Variants in GULP1 observed in about 807,000 individuals in gnomAD.
GULP1 encodes the protein GULP PTB domain containing engulfment adaptor 1.
Under a neutral mutation model 40.9 loss-of-function variants are expected in GULP1, and 19 were observed. The observed-to-expected ratio is 0.46, with a 90% confidence interval of 0.32 to 0.68. GULP1 has a LOEUF of 0.68. GULP1 is among the 30% of genes least tolerant of loss of function. The probability of loss-of-function intolerance (pLI) is 0.03; values close to 1 mark genes in which losing one functional copy is unlikely to be tolerated. For synonymous variants in GULP1, 119 were observed against 117.6 expected (o/e 1.01, Z -0.08); for missense variants, 312 against 362.2 (o/e 0.86, Z 1.12).
intron 1 of GULP1, among the ~76,000 whole-genome samples, chr2:188,313,563 G>T (rs1047975701): frequency 2.0e-5 from 3 of 152,106 alleles, no homozygotes; most frequent in African/African-American, 7.2e-5. Flanking sequence ...CTTCAGCTGT[G>T]CTCCTTTTGC....
intron 7 of GULP1, among the ~76,000 whole-genome samples, chr2:188,551,779 T>C (rs1311479411): frequency 6.6e-6 from 1 of 151,878 alleles, no homozygotes; most frequent in Non-Finnish European, 1.5e-5. Context: ...TTTAGTAGTT[T>C]ACATTTCCAC....
chr2:188,303,786 A>G (rs1050634077), intron 1 of GULP1, among the ~76,000 whole-genome samples: 3 of 152,200 alleles, frequency 2.0e-5, no homozygotes, highest in South Asian at 2.1e-4. Context: ...GTTTTTTTGC[A>G]TAAGAATGCA....
At chr2:188,294,589 A>C (rs2034511174) in intron 1 of GULP1, among the ~76,000 whole-genome samples, 1 of 152,008 alleles carries the variant, frequency 6.6e-6, no homozygotes, top group African/African-American at 2.4e-5. Context: ...TTAAATGGTT[A>C]AAACAAACAA....
chr2:188,481,394 T>C (rs2061436612), intron 3 of GULP1, among the ~76,000 whole-genome samples: 1 of 151,926 alleles, frequency 6.6e-6, no homozygotes, highest in African/African-American at 2.4e-5. Context: ...ATTTTGGAAA[T>C]CCTTCAGGTT....
intron 2 of GULP1, among the ~76,000 whole-genome samples, chr2:188,465,291 T>C (rs1433784904): frequency 6.6e-6 from 1 of 152,050 alleles, no homozygotes; most frequent in Non-Finnish European, 1.5e-5. Flanking sequence ...ACATGGTGTT[T>C]CTAGAAATGT....
chr2:188,294,457 G>A (rs2105858590), intron 1 of GULP1: 1 of 151,982 alleles, frequency 6.6e-6, no homozygotes, highest in East Asian at 1.9e-4. Context: ...AACCAGCTAG[G>A]AACTCAAAGC....
At chr2:188,432,515 G>A (rs566093969) in intron 2 of GULP1, among the ~76,000 whole-genome samples, 32 of 151,662 alleles carry the variant, frequency 2.1e-4, no homozygotes, top group Non-Finnish European at 4.3e-4. Context: ...TCATTAAACC[G>A]ACAACACTGA....
At chr2:188,582,610 T>G (rs777734360) in intron 9 of GULP1, 14 of 436,316 alleles carry the variant, frequency 3.2e-5, no homozygotes, top group Non-Finnish European at 5.7e-5. Context: ...CCCACTTATT[T>G]TGCTTAAATT....
At chr2:188,494,483 G>T (rs964371202) in intron 4 of GULP1, among the ~76,000 whole-genome samples, 1 of 151,810 alleles carries the variant, frequency 6.6e-6, no homozygotes, top group Non-Finnish European at 1.5e-5. Context: ...ATAACAATTG[G>T]TAAATGCTGA....
At chr2:188,495,418 G>A (rs1305849985) in intron 4 of GULP1, among the ~76,000 whole-genome samples, 1 of 152,066 alleles carries the variant, frequency 6.6e-6, no homozygotes, top group Non-Finnish European at 1.5e-5. Flanking sequence ...GTCCTCCACT[G>A]CGTTGTCAAG....
At chr2:188,438,152 T>C (rs890449564) in intron 2 of GULP1, among the ~76,000 whole-genome samples, 4 of 152,094 alleles carry the variant, frequency 2.6e-5, no homozygotes, top group Non-Finnish European at 5.9e-5. Flanking sequence ...ACTTCTATTG[T>C]GGTTTGAGAA....
intron 2 of GULP1, among the ~76,000 whole-genome samples, chr2:188,475,066 A>G (rs1463127846): frequency 1.3e-5 from 2 of 152,192 alleles, no homozygotes; most frequent in Non-Finnish European, 1.5e-5. Flanking sequence ...TTGAATGCCA[A>G]CCTAGTGTCA....
chr2:188,340,789 C>A (rs1159997908), intron 1 of GULP1, among the ~76,000 whole-genome samples: 2 of 151,926 alleles, frequency 1.3e-5, no homozygotes, highest in African/African-American at 4.8e-5. Context: ...ACTTTATTGC[C>A]CATGGAGGTG....
intron 1 of GULP1, among the ~76,000 whole-genome samples, chr2:188,305,194 A>G (rs1007352518): frequency 2.0e-5 from 3 of 152,190 alleles, no homozygotes; most frequent in African/African-American, 7.2e-5. Context: ...ATTATAAAGG[A>G]TAATAGAAAG....
intron 8 of GULP1, 57 bp downstream of exon 8, chr2:188,569,412 G>C: frequency 1.1e-6 from 1 of 905,682 alleles, no homozygotes; most frequent in Non-Finnish European, 1.9e-6. Context: ...AGGGAAACTT[G>C]CATATCGTCA....
intron 7 of GULP1, among the ~76,000 whole-genome samples, chr2:188,567,506 G>T (rs1698015016): frequency 6.6e-6 from 1 of 152,160 alleles, no homozygotes; most frequent in Non-Finnish European, 1.5e-5. Flanking sequence ...GATGAAGCTG[G>T]AAGCTATCAT....
At chr2:188,465,219 G>T (rs1316577415) in intron 2 of GULP1, among the ~76,000 whole-genome samples, 1 of 152,020 alleles carries the variant, frequency 6.6e-6, no homozygotes, top group Non-Finnish European at 1.5e-5. Context: ...TTTGTTAAGG[G>T]CATGTTACAA....
intron 4 of GULP1, among the ~76,000 whole-genome samples, chr2:188,493,211 A>G (rs139697648): frequency 2.5e-3 from 382 of 152,134 alleles, no homozygotes; most frequent in African/African-American, 8.2e-3. Context: ...TTCAAACTTG[A>G]GAATATCTAG....
At chr2:188,545,397 G>A (rs950459953) in intron 7 of GULP1, among the ~76,000 whole-genome samples, 3 of 151,824 alleles carry the variant, frequency 2.0e-5, no homozygotes, top group African/African-American at 7.2e-5. Flanking sequence ...TAAATCTGAT[G>A]TGATTTCATA....
Sources: gnomAD v4.1 joint callset for allele counts (sites outside exome capture counted in the v4.1 genomes callset) on GRCh38, gnomAD v4.1.1 for gene constraint, MANE v1.5 for transcripts, NCBI Gene and HGNC (gene_info 2026-07-23, HGNC 2026-07-21) for gene names.